Variants in TSNARE1 observed in about 807,000 individuals in gnomAD.
TSNARE1 encodes the protein t-SNARE domain containing 1, also known as t-SNARE domain-containing protein 1.
Under a neutral mutation model 62.0 loss-of-function variants are expected in TSNARE1, and 49 were observed. The ratio of observed to expected loss-of-function variants is 0.79; its 90% CI spans 0.63 to 1.00. TSNARE1 has a LOEUF of 1.00. Ranked by LOEUF, TSNARE1 falls within the 50% of genes least tolerant of loss-of-function variation. The probability of loss-of-function intolerance (pLI) is 0.00; values close to 1 mark genes in which losing one functional copy is unlikely to be tolerated. For synonymous variants in TSNARE1, 328 were observed against 294.4 expected, an observed-to-expected ratio of 1.11 and a Z score of -1.17; for missense variants, 755 against 700.1, an observed-to-expected ratio of 1.08 and a Z score of -0.88.
intron 11 of TSNARE1, among the ~76,000 whole-genome samples, chr8:142,283,629 T>A (rs1185136546): frequency 6.9e-6 from 1 of 143,920 alleles, no homozygotes; most frequent in Non-Finnish European, 1.5e-5. Context: ...GCAGGGACAG[T>A]GTCAATGAAC....
intron 11 of TSNARE1, chr8:142,278,787 G>A (rs557933450): frequency 1.1e-5 from 11 of 985,436 alleles, no homozygotes; most frequent in Non-Finnish European, 1.2e-5. Context: ...AGCACCACGT[G>A]TGGGGCTTCC....
intron 1 of TSNARE1, among the ~76,000 whole-genome samples, chr8:142,392,279 C>T (rs1477318939): frequency 6.6e-6 from 1 of 152,178 alleles, no homozygotes; most frequent in Admixed American, 6.5e-5. Flanking sequence ...ACCTCGGCCT[C>T]CCAAAGTGCT....
At chr8:142,226,384 G>A (rs556546771) in intron 13 of TSNARE1, among the ~76,000 whole-genome samples, 6 of 152,270 alleles carry the variant, frequency 3.9e-5, no homozygotes, top group Middle Eastern at 3.4e-3. Context: ...TCTGCAGCCC[G>A]GCTCCTGCAA....
rs187193782 is a variant in TSNARE1, at chr8:142,276,082, G to A, written c.1364-1219C>T. ...ACCCCACCCTTGCCCCCAGCGCAGGGCCCTAGTGGAGCCGCAGGCACTCGC... is the reference window on the plus strand; with the variant it reads ...ACCCCACCCTTGCCCCCAGCGCAGGACCCTAGTGGAGCCGCAGGCACTCGC... On this transcript the variant is annotated intron_variant, in intron 11 of 13. Transcript: ENST00000524325. 97 of 985,258 alleles carry A rather than the reference G, an allele frequency of 9.8e-5. 1 individual carries two copies. The East Asian group carries it at 8.9e-3, about 90-fold the overall frequency. 61.0% of individuals were successfully genotyped at this position (985,258 alleles called of 1,614,324 possible).
At chr8:142,299,885 T>C (rs577953024) in intron 10 of TSNARE1, among the ~76,000 whole-genome samples, 10 of 152,386 alleles carry the variant, frequency 6.6e-5, no homozygotes, top group African/African-American at 1.4e-4. Context: ...GCAGGTATTA[T>C]ACATGTGTAA....
intron 13 of TSNARE1, among the ~76,000 whole-genome samples, chr8:142,227,388 A>G (rs13270218): frequency 3.9e-5 from 1 of 25,850 alleles, no homozygotes; most frequent in African/African-American, 9.2e-5. Flanking sequence ...CCATCCTGCC[A>G]ATAGCCCCAG....
chr8:142,400,149 A>G (rs550756423), intron 1 of TSNARE1, among the ~76,000 whole-genome samples: 8 of 152,114 alleles, frequency 5.3e-5, no homozygotes, highest in African/African-American at 1.9e-4. Flanking sequence ...TAGCCTGGCC[A>G]AAAAGAAGAA....
chr8:142,349,785 G>A (rs947881098), intron 2 of TSNARE1, among the ~76,000 whole-genome samples: 20 of 152,182 alleles, frequency 1.3e-4, no homozygotes, highest in African/African-American at 4.8e-4. Flanking sequence ...CCACCAGGCC[G>A]GAGGTCTCTT....
chr8:142,292,181 G>C (rs192815953), intron 10 of TSNARE1, among the ~76,000 whole-genome samples: 1 of 152,082 alleles, frequency 6.6e-6, no homozygotes, highest in Non-Finnish European at 1.5e-5. Flanking sequence ...ACACCAACAC[G>C]AGACAGGGGC....
intron 1 of TSNARE1, among the ~76,000 whole-genome samples, chr8:142,401,748 G>A (rs538189471): frequency 5.0e-4 from 76 of 152,316 alleles, no homozygotes; most frequent in African/African-American, 1.8e-3. Context: ...CCTCCAGGAA[G>A]TCGTCTTGGA....
Position 142,224,254 on chromosome 8 carries a change from G to A in TSNARE1, c.*11+5219C>T, listed in dbSNP as rs568971559. Among the ~76,000 whole-genome samples, 64 of 152,346 alleles carry A rather than the reference G, an allele frequency of 4.2e-4. No homozygotes were observed. The Middle Eastern group carries it at 0.01, about 24-fold the overall frequency. The stretch of plus-strand genomic sequence containing the variant: ...AATACAGAGACCAGAGCTGGGACCC[G>A]GAATGGCTCCATCGAGTGCGGCAGG... On this transcript the variant is annotated intron_variant, in intron 13 of 13. Transcript: ENST00000524325.
rs1005965800 is a variant in TSNARE1, at chr8:142,375,342, G to A, written c.-39-20579C>T. 3.9e-5 allele frequency among the ~76,000 whole-genome samples: 6 copies of A among 152,242 alleles called. No individual in the cohort carries two copies. The South Asian group carries it at 6.2e-4, about 16-fold the overall frequency. ...GAGAGCAGCAGTGGAGCGGTGCCCC[G>A]GGGGAGGGCGGGTAGCAGGTGAGGA... On this transcript the variant is annotated intron_variant, in intron 1 of 13. Coordinates refer to ENST00000524325, the MANE Select transcript of TSNARE1 (RefSeq NM_145003.5).
intron 12 of TSNARE1, among the ~76,000 whole-genome samples, chr8:142,232,172 G>C (rs1015118204): frequency 9.2e-5 from 14 of 152,254 alleles, no homozygotes; most frequent in African/African-American, 3.4e-4. Context: ...TGGTCTGCAG[G>C]CCGAGGTGCA....
chr8:142,344,116 G>A lies in TSNARE1; in HGVS notation c.595C>T (p.Leu199=). 1 of 1,611,990 alleles carries A rather than the reference G, an allele frequency of 6.2e-7. No individual in the cohort carries two copies. The highest frequency in any genetic ancestry group is 1.1e-5 in the South Asian group (1 of 90,960). Reference sequence around the variant, plus strand: ...TGGGCCGCCTTCCGGAGGTCGCCCAGCTTGCGCCGCACGACGGCTCGTAGG... The same window carrying A: ...TGGGCCGCCTTCCGGAGGTCGCCCAACTTGCGCCGCACGACGGCTCGTAGG... ...RDLRAVVRRK[L]GDLRKAAHGP... is the part of the protein sequence containing the mutation. Residue 199 remains leucine, a synonymous_variant, in exon 4 of 14, where the codon CTG becomes TTG. Transcript: ENST00000524325.
rs544004967 is a variant in TSNARE1 at position 142,343,178 on chromosome 8, G to A, written c.745+788C>T. On this transcript the variant is annotated intron_variant, in intron 4 of 13. Coordinates refer to ENST00000524325, the MANE Select transcript of TSNARE1 (RefSeq NM_145003.5). ...TGCAGAAGGCCCACTGCAGCTCTGA[G>A]CAGATGCTGCCTCCCAGGTCTCAAC... 3.9e-5 allele frequency among the ~76,000 whole-genome samples: 6 copies of A among 152,320 alleles called. No individual in the cohort carries two copies. The East Asian group carries it at 1.2e-3, about 29-fold the overall frequency.
chr8:142,307,931 T>C (rs1483441932), intron 9 of TSNARE1, among the ~76,000 whole-genome samples: 1 of 152,206 alleles, frequency 6.6e-6, no homozygotes, highest in African/African-American at 2.4e-5. Context: ...TGTGTGGGTG[T>C]GGTGTGTGGT....
intron 13 of TSNARE1, among the ~76,000 whole-genome samples, chr8:142,218,172 CAGTGTGACCAGGATCAGGACTCAG>C (rs1319592008): frequency 1.3e-5 from 2 of 149,670 alleles, no homozygotes; most frequent in African/African-American, 4.9e-5. Flanking sequence ...GGTCAGGCCT[CAGTGTGACCAGGATCAGGACTCAG>C]AGTGTGACCA....
chr8:142,253,686 G>A (rs1480097796), intron 12 of TSNARE1, among the ~76,000 whole-genome samples: 1 of 152,246 alleles, frequency 6.6e-6, no homozygotes, highest in Non-Finnish European at 1.5e-5. Context: ...CAAGGCCTCA[G>A]GCAGGATGGG....
At chr8:142,272,010 G>A (rs777228004) in intron 12 of TSNARE1, among the ~76,000 whole-genome samples, 11 of 151,846 alleles carry the variant, frequency 7.2e-5, no homozygotes, top group African/African-American at 9.7e-5. Context: ...CCGCTCGTCC[G>A]CCTGCCCTCT....
Sources: gnomAD v4.1 joint callset for allele counts (sites outside exome capture counted in the v4.1 genomes callset) on GRCh38, gnomAD v4.1.1 for gene constraint, MANE v1.5 for transcripts, NCBI Gene and HGNC (gene_info 2026-07-23, HGNC 2026-07-21) for gene names.